The following DDX39A variants were observed in gnomAD, a reference collection of about 807,000 sequenced individuals.
The protein encoded by DDX39A is DExD-box helicase 39A.
A neutral mutation model predicts 46.3 loss-of-function variants in DDX39A; 13 were observed. The observed-to-expected ratio is 0.28, with a 90% confidence interval of 0.18 to 0.45. The LOEUF is 0.45. Among genes scored for constraint, DDX39A ranks in the 20% least tolerant of loss-of-function variants. DDX39A has a pLI of 1.00. For synonymous variants in DDX39A, 234 were observed against 224.6 expected (o/e 1.04, Z -0.38); for missense variants, 352 against 581.8 (o/e 0.61, Z 4.06).
Position 14,412,231 on chromosome 19 carries a change from A to T in DDX39A, c.336+320T>A, listed in dbSNP as rs921218845. 9.3e-6 allele frequency: 3 copies of T among 323,924 alleles called. No individual in the cohort carries two copies. The highest frequency in any genetic ancestry group is 1.2e-5 in the Non-Finnish European group (2 of 170,754). 20.1% of individuals were successfully genotyped at this position (323,924 alleles called of 1,614,324 possible). On this transcript the variant is annotated intron_variant, in intron 3 of 10. Transcript: ENST00000242776. This position sits in a 1 kb window ranked among gnomAD's most constrained non-coding sequence, Gnocchi z 4.4. ...CTTCACAGATGGACACTCTCTAGGT[A>T]AGTGGCACGGCAAAACAGCAACGAT...
At position 14,410,084 on chromosome 19, in the gene DDX39A, G is replaced by A. The variant is rs1288869010; in HGVS notation, c.732+132C>T. The A allele has an allele frequency of 9.6e-7, 1 of 1,042,080 alleles. No homozygotes were observed. The highest frequency in any genetic ancestry group is 2.4e-5 in the East Asian group (1 of 42,080). 64.6% of individuals were successfully genotyped at this position (1,042,080 alleles called of 1,614,324 possible). On this transcript the variant is annotated intron_variant, in intron 6 of 10. Coordinates refer to ENST00000242776, the MANE Select transcript of DDX39A (RefSeq NM_005804.4). This position sits in a 1 kb window ranked among gnomAD's most constrained non-coding sequence, Gnocchi z 4.3. ...TGACTCCCAGTTTGACAAGACCGAG[G>A]GGAGGAAAGGAGGCTCCGCCGGCTC...
rs1439253971 is a variant in DDX39A, at chr19:14,411,558, A to T, written c.377T>A (p.Phe126Tyr). 1 of 1,613,992 alleles carries T rather than the reference A, an allele frequency of 6.2e-7. No homozygotes were observed. Among genetic ancestry groups the T allele is most frequent in the Non-Finnish European group, 8.5e-7 (1 of 1,180,008 alleles). ...LVMCHTRELA[F>Y]QISKEYERFS... is the part of the protein sequence containing the mutation. ...GCGCTCATATTCCTTGCTGATCTGG[A>T]AGGCCAGCTCCCTCGTGTGGCACAT... Residue 126 changes from phenylalanine to tyrosine, a missense_variant, in exon 4 of 11, where the codon TTC becomes TAC. Around this residue, in one of 3 missense-constraint regions of DDX39A, gnomAD observed 301 missense variants for 469.9 expected, o/e 0.64. Coordinates refer to ENST00000242776, the MANE Select transcript of DDX39A (RefSeq NM_005804.4). The surrounding 1 kb of genome is among the most constrained non-coding windows in gnomAD (Gnocchi z 4.1).
Position 14,412,948 on chromosome 19 carries a change from G to T in DDX39A, c.208+65C>A. ...GCAAACTGGAGGCGGCACCGCTCTG[G>T]GCGGGCAGGGCTGGTCTTGTCTTGG... On this transcript the variant is annotated intron_variant, in intron 2 of 10. Transcript: ENST00000242776. This position sits in a 1 kb window ranked among gnomAD's most constrained non-coding sequence, Gnocchi z 4.4. The T allele has an allele frequency of 6.5e-7, 1 of 1,546,432 alleles. No homozygotes were observed. The highest frequency in any genetic ancestry group is 8.8e-7 in the Non-Finnish European group (1 of 1,135,996).
At position 14,412,919 on chromosome 19, in the gene DDX39A, C is replaced by T; in HGVS notation, c.208+94G>A. On this transcript the variant is annotated intron_variant, in intron 2 of 10. Coordinates refer to ENST00000242776, the MANE Select transcript of DDX39A (RefSeq NM_005804.4). The surrounding 1 kb of genome is among the most constrained non-coding windows in gnomAD (Gnocchi z 4.4). Reference sequence around the variant, plus strand: ...GGGACAGACGGGCCCCTCCCTCACCCACGGCAAACTGGAGGCGGCACCGCT... The same window carrying T: ...GGGACAGACGGGCCCCTCCCTCACCTACGGCAAACTGGAGGCGGCACCGCT... 1 of 1,437,916 alleles carries T rather than the reference C, an allele frequency of 7.0e-7. No homozygotes were observed. The allele number at this position is 1,437,916 out of a possible 1,614,324, so 89.1% of individuals were successfully genotyped here.
At chr19:14,418,481 A>G (rs968735616) in intron 1 of DDX39A, among the ~76,000 whole-genome samples, 1 of 152,002 alleles carries the variant, frequency 6.6e-6, no homozygotes, top group Non-Finnish European at 1.5e-5. Context: ...TTTTTGAGGC[A>G]GAATCTCGCT....
In DDX39A at chr19:14,411,336, C is replaced by T. The variant is rs1257612500; in HGVS notation, c.430-164G>A. 2.0e-5 allele frequency: 20 copies of T among 1,004,858 alleles called. No individual in the cohort carries two copies. In the East Asian group the frequency reaches 4.3e-4, roughly 21 times the overall value. 62.2% of individuals were successfully genotyped at this position (1,004,858 alleles called of 1,614,324 possible). On this transcript the variant is annotated intron_variant, in intron 4 of 10. Transcript: ENST00000242776. This position sits in a 1 kb window ranked among gnomAD's most constrained non-coding sequence, Gnocchi z 4.1. Reference sequence around the variant, plus strand: ...GCCCCAGGCTGGGACCTGCGCAGGCCCCTGGGAGCCATGCATAATTCATCA... The same window carrying T: ...GCCCCAGGCTGGGACCTGCGCAGGCTCCTGGGAGCCATGCATAATTCATCA...
In DDX39A at chr19:14,409,519, G is replaced by A. The variant is rs1300220968; in HGVS notation, c.974+17C>T. The A allele has an allele frequency of 6.2e-6, 10 of 1,609,056 alleles. No individual in the cohort carries two copies. Among genetic ancestry groups the A allele is most frequent in the East Asian group, 4.5e-5 (2 of 44,854 alleles). ...TGGTGGTGCTCCCTGCAGCCTTGGC[G>A]GGCGGCTCGCACTCACCGCTCCTCC... On this transcript the variant is annotated intron_variant, in intron 8 of 10. Coordinates refer to ENST00000242776, the MANE Select transcript of DDX39A (RefSeq NM_005804.4). This position sits in a 1 kb window ranked among gnomAD's most constrained non-coding sequence, Gnocchi z 8.3.
chr19:14,414,698 C>CA (rs1976735333), intron 1 of DDX39A, among the ~76,000 whole-genome samples: 2 of 150,086 alleles, frequency 1.3e-5, no homozygotes, highest in Admixed American at 1.3e-4. Flanking sequence ...CGCGGTGGCT[C>CA]ACGCCTGTAA....
chr19:14,409,482 A>G lies in DDX39A; in HGVS notation c.975-35T>C. The G allele has an allele frequency of 6.2e-7, 1 of 1,612,380 alleles. No individual in the cohort carries two copies. The highest frequency in any genetic ancestry group is 8.5e-7 in the Non-Finnish European group (1 of 1,179,568). On this transcript the variant is annotated intron_variant, in intron 8 of 10. Coordinates refer to ENST00000242776, the MANE Select transcript of DDX39A (RefSeq NM_005804.4). This position sits in a 1 kb window ranked among gnomAD's most constrained non-coding sequence, Gnocchi z 8.3. ...AGGAGAAACAAGTGGAGGCCGTCAG[A>G]CACTGGGCTCCTGGTGGTGCTCCCT...
Position 14,409,251 on chromosome 19 carries a change from G to A in DDX39A, c.1119+52C>T. 21 of 1,612,848 alleles carry A rather than the reference G, an allele frequency of 1.3e-5. No individual in the cohort carries two copies. Among genetic ancestry groups the A allele is most frequent in the Non-Finnish European group, 1.8e-5 (21 of 1,179,034 alleles). ...TCAGGACTTGAGGAAAAGCAGGGCTGGGGCCCCACCCCACCGCCAGGGGAA... is the reference window on the plus strand; with the variant it reads ...TCAGGACTTGAGGAAAAGCAGGGCTAGGGCCCCACCCCACCGCCAGGGGAA... On this transcript the variant is annotated intron_variant, in intron 9 of 10. Transcript: ENST00000242776. The surrounding 1 kb of genome is among the most constrained non-coding windows in gnomAD (Gnocchi z 8.3).
chr19:14,411,402 G>T lies in DDX39A; in HGVS notation c.429+104C>A. 8.2e-7 allele frequency: 1 copy of T among 1,212,360 alleles called. No homozygotes were observed. The highest frequency in any genetic ancestry group is 1.2e-6 in the Non-Finnish European group (1 of 829,206). 75.1% of individuals were successfully genotyped at this position (1,212,360 alleles called of 1,614,324 possible). The stretch of plus-strand genomic sequence containing the variant: ...AAAACCACCGCAAACCTCAAAGGCA[G>T]CTGCCCCTGCCAAGCTTGGTAAATG... On this transcript the variant is annotated intron_variant, in intron 4 of 10. Transcript: ENST00000242776. This position sits in a 1 kb window ranked among gnomAD's most constrained non-coding sequence, Gnocchi z 4.1.
Position 14,409,010 on chromosome 19 carries a change from A to G in DDX39A, c.1267+27T>C. On this transcript the variant is annotated intron_variant, in intron 10 of 10. Transcript: ENST00000242776. The surrounding 1 kb of genome is among the most constrained non-coding windows in gnomAD (Gnocchi z 8.3). ...CCGGGGGAGGAACCCTCTGCCCCAG[A>G]CCCCTGGCCCTGCCCAAGGCACTTA... is the stretch of plus-strand genomic sequence containing the variant. The G allele has an allele frequency of 1.9e-6, 3 of 1,613,706 alleles. No individual in the cohort carries two copies. The highest frequency in any genetic ancestry group is 1.1e-5 in the South Asian group (1 of 91,060).
chr19:14,417,791 G>C (rs1976871861), intron 1 of DDX39A, among the ~76,000 whole-genome samples: 1 of 152,346 alleles, frequency 6.6e-6, no homozygotes, highest in African/African-American at 2.4e-5. Flanking sequence ...CTTGAGCCAG[G>C]AGGTCGAGGC....
chr19:14,411,186 G>A lies in DDX39A; in HGVS notation c.430-14C>T. 6.4e-7 allele frequency: 1 copy of A among 1,560,670 alleles called. No individual in the cohort carries two copies. Among genetic ancestry groups the A allele is most frequent in the African/African-American group, 1.4e-5 (1 of 72,902 alleles). ...GAACACAGACACCTATGGGGATGAG[G>A]AGGAAACCGCTCCATGCTGATACAC... On this transcript the variant is annotated splice_polypyrimidine_tract_variant and intron_variant, in intron 4 of 10. Transcript: ENST00000242776. The surrounding 1 kb of genome is among the most constrained non-coding windows in gnomAD (Gnocchi z 4.1).
chr19:14,410,104 C>T lies in DDX39A; in HGVS notation c.732+112G>A, dbSNP rs544782905. On this transcript the variant is annotated intron_variant, in intron 6 of 10. Transcript: ENST00000242776. This position sits in a 1 kb window ranked among gnomAD's most constrained non-coding sequence, Gnocchi z 4.3. ...CCGAGGGGAGGAAAGGAGGCTCCGC[C>T]GGCTCCCAGCATCCCAGCATCCTCC... 13 of 1,137,692 alleles carry T rather than the reference C, an allele frequency of 1.1e-5. No homozygotes were observed. The highest frequency in any genetic ancestry group is 2.4e-5 in the East Asian group (1 of 42,496). The allele number at this position is 1,137,692 out of a possible 1,614,324, so 70.5% of individuals were successfully genotyped here. A position where few individuals can be genotyped will look rare whatever the true frequency, so the allele number is the denominator to read the frequency against.
At chr19:14,417,160 C>G (rs1352909103) in intron 1 of DDX39A, among the ~76,000 whole-genome samples, 1 of 151,920 alleles carries the variant, frequency 6.6e-6, no homozygotes, top group African/African-American at 2.4e-5. Flanking sequence ...AGGGTAGGGG[C>G]GTGAGGTAAG....
Position 14,410,898 on chromosome 19 carries a change from G to A in DDX39A, c.613+91C>T, listed in dbSNP as rs1025349453. On this transcript the variant is annotated intron_variant, in intron 5 of 10. Coordinates refer to ENST00000242776, the MANE Select transcript of DDX39A (RefSeq NM_005804.4). The surrounding 1 kb of genome is among the most constrained non-coding windows in gnomAD (Gnocchi z 4.3). ...ACCACAGGAGCCCCGCCTGCCGGCC[G>A]CCCATGTAACCCACTCAAGAGCCTT... 25 of 1,233,826 alleles carry A rather than the reference G, an allele frequency of 2.0e-5. No individual in the cohort carries two copies. The highest frequency in any genetic ancestry group is 1.8e-4 in the South Asian group (11 of 61,542). The allele number at this position is 1,233,826 out of a possible 1,614,324, so 76.4% of individuals were successfully genotyped here. A position where few individuals can be genotyped will look rare whatever the true frequency, so the allele number is the denominator to read the frequency against.
Position 14,409,669 on chromosome 19 carries a change from G to A in DDX39A, c.865-24C>T. 6.2e-7 allele frequency: 1 copy of A among 1,610,296 alleles called. No homozygotes were observed. Among genetic ancestry groups the A allele is most frequent in the Non-Finnish European group, 8.5e-7 (1 of 1,177,352 alleles). ...ACCTGAGGGAAGGAGTGGCAGTCAG[G>A]GCCACACAGTCCCTGTGGCCCAGTG... On this transcript the variant is annotated intron_variant, in intron 7 of 10. Coordinates refer to ENST00000242776, the MANE Select transcript of DDX39A (RefSeq NM_005804.4). The surrounding 1 kb of genome is among the most constrained non-coding windows in gnomAD (Gnocchi z 8.3).
rs914879723 is a variant in DDX39A at position 14,411,164 on chromosome 19, C to T, written c.438G>A (p.Val146=). 13 of 1,583,058 alleles carry T rather than the reference C, an allele frequency of 8.2e-6. No homozygotes were observed. Among genetic ancestry groups the T allele is most frequent in the Non-Finnish European group, 1.1e-5 (13 of 1,166,086 alleles). ...SKYMPSVKVS[V]FFGGLSIKKD... is the part of the protein sequence containing the mutation. The stretch of plus-strand genomic sequence containing the variant: ...TCTTGATGGAGAGACCACCGAAGAA[C>T]ACAGACACCTATGGGGATGAGGAGG... The change falls in exon 5 of 11, where the codon GTG becomes GTA. Residue 146 remains valine, a synonymous_variant. Coordinates refer to ENST00000242776, the MANE Select transcript of DDX39A (RefSeq NM_005804.4). This position sits in a 1 kb window ranked among gnomAD's most constrained non-coding sequence, Gnocchi z 4.1.
Sources: gnomAD v4.1 joint callset for allele counts (sites outside exome capture counted in the v4.1 genomes callset) on GRCh38, gnomAD v4.1.1 for gene constraint, gnomAD v4.1.1 regional missense constraint, Gnocchi (gnomAD v3.1) non-coding constraint, MANE v1.5 for transcripts, NCBI Gene and HGNC (gene_info 2026-07-23, HGNC 2026-07-21) for gene names.